The following STMN2 variants were observed in gnomAD, a reference collection of about 807,000 sequenced individuals.
The protein encoded by STMN2 is stathmin-2.
A neutral mutation model predicts 24.1 loss-of-function variants in STMN2; 2 were observed. That is an observed-to-expected ratio of 0.08 (90% CI 0.03 to 0.26). The LOEUF (loss-of-function observed/expected upper bound fraction) is 0.26, where lower values mean the gene tolerates loss of function less well. Among genes scored for constraint, STMN2 ranks in the 10% least tolerant of loss-of-function variants. The pLI, the probability that STMN2 is intolerant of heterozygous loss-of-function variation, is 1.00. For missense variants in STMN2, 114 were observed against 213.6 expected (o/e 0.53, Z 2.91); for synonymous variants, 83 against 77.5 (o/e 1.07, Z -0.37).
intron 4 of STMN2, among the ~76,000 whole-genome samples, chr8:79,655,399 T>A (rs1806319847): frequency 6.6e-6 from 1 of 152,134 alleles, no homozygotes; most frequent in Admixed American, 6.6e-5. Flanking sequence ...AATATTAATG[T>A]CTATATATTA....
intron 3 of STMN2, among the ~76,000 whole-genome samples, chr8:79,647,327 C>T (rs1417487809): frequency 6.6e-6 from 1 of 152,096 alleles, no homozygotes. Context: ...ATAGACATGG[C>T]TATAGATGTG....
At chr8:79,656,497 CAT>C (rs1008338305) in intron 4 of STMN2, among the ~76,000 whole-genome samples, 28 of 152,198 alleles carry the variant, frequency 1.8e-4, no homozygotes, top group African/African-American at 6.5e-4. Context: ...TATAGGAACA[CAT>C]GTTTTACTCA....
intron 3 of STMN2, among the ~76,000 whole-genome samples, chr8:79,653,235 G>A (rs2130382628): frequency 6.6e-6 from 1 of 152,046 alleles, no homozygotes; most frequent in Admixed American, 6.6e-5. Context: ...AAATTAGCAG[G>A]GTGTGGTAGC....
intron 1 of STMN2, 81 bp from the exon 2 acceptor site, chr8:79,636,721 A>T: frequency 7.7e-7 from 1 of 1,299,162 alleles, no homozygotes; most frequent in Non-Finnish European, 1.1e-6. Context: ...AGGAGGCAAT[A>T]ATTATTATTC....
intron 1 of STMN2, among the ~76,000 whole-genome samples, chr8:79,629,767 A>G (rs1377008492): frequency 6.6e-6 from 1 of 152,202 alleles, no homozygotes; most frequent in African/African-American, 2.4e-5. Flanking sequence ...CACTACCCAG[A>G]TAAGAATTCT....
intron 1 of STMN2, among the ~76,000 whole-genome samples, chr8:79,625,159 T>C (rs1268197105): frequency 1.3e-5 from 2 of 152,360 alleles, no homozygotes; most frequent in East Asian, 3.9e-4. Context: ...GAACTATTTT[T>C]TTATTTTTTG....
chr8:79,646,994 G>A (rs1810232522), intron 3 of STMN2, among the ~76,000 whole-genome samples: 1 of 152,012 alleles, frequency 6.6e-6, no homozygotes, highest in Admixed American at 6.6e-5. Context: ...GGATTAGGGA[G>A]GGCTGTGAAT....
At chr8:79,613,890 A>C in intron 1 of STMN2, 1 of 934,496 alleles carries the variant, frequency 1.1e-6, no homozygotes, top group Non-Finnish European at 1.3e-6. Flanking sequence ...TTGTGTGCCA[A>C]CGATTGCTGG....
chr8:79,647,443 C>G (rs115318630), intron 3 of STMN2, among the ~76,000 whole-genome samples: 1 of 152,158 alleles, frequency 6.6e-6, no homozygotes, highest in Non-Finnish European at 1.5e-5. Context: ...ACTTCAGGGA[C>G]CCCTTCAGGG....
chr8:79,625,453 C>T (rs1809629570), intron 1 of STMN2, among the ~76,000 whole-genome samples: 2 of 152,122 alleles, frequency 1.3e-5, no homozygotes, highest in Admixed American at 1.3e-4. Context: ...AATGGTAGCA[C>T]CAGGATTTGA....
At chr8:79,650,074 G>A (rs375320640) in intron 3 of STMN2, among the ~76,000 whole-genome samples, 16 of 152,216 alleles carry the variant, frequency 1.1e-4, no homozygotes, top group East Asian at 3.9e-4. Flanking sequence ...TTAGTCTCCC[G>A]GAACGTCACG....
intron 4 of STMN2, among the ~76,000 whole-genome samples, chr8:79,658,977 C>G (rs1806441438): frequency 6.6e-6 from 1 of 152,186 alleles, no homozygotes; most frequent in African/African-American, 2.4e-5. Context: ...CTAGTAGGCT[C>G]TAATATTTAG....
chr8:79,621,030 C>CA (rs1452072570), intron 1 of STMN2: 2 of 985,112 alleles, frequency 2.0e-6, no homozygotes, highest in African/African-American at 3.5e-5. Context: ...TGGAGCTCTG[C>CA]AACAAGGCGT....
chr8:79,622,511 C>A (rs1188556439), intron 1 of STMN2, among the ~76,000 whole-genome samples: 1 of 151,962 alleles, frequency 6.6e-6, no homozygotes, highest in African/African-American at 2.4e-5. Context: ...AGACAGCAGC[C>A]AATATAGTAT....
At chr8:79,627,997 A>C (rs548518977) in intron 1 of STMN2, among the ~76,000 whole-genome samples, 1 of 151,980 alleles carries the variant, frequency 6.6e-6, no homozygotes, top group South Asian at 2.1e-4. Flanking sequence ...TTATTAATTC[A>C]TTTGTTGATG....
rs994562876 is a variant in STMN2, at chr8:79,664,999, A to C, written c.*125A>C. On this transcript the variant is annotated 3_prime_UTR_variant, in exon 5 of 5. Transcript: ENST00000220876. Reference sequence around the variant, plus strand: ...AAAAAGAACTCATTATAAAAAAAAAAAAACAAAAAAAATCAAAAATTAAAA... The same window carrying C: ...AAAAAGAACTCATTATAAAAAAAAACAAACAAAAAAAATCAAAAATTAAAA... 6.8e-6 allele frequency: 6 copies of C among 886,942 alleles called. No homozygotes were observed. Among genetic ancestry groups the C allele is most frequent in the Admixed American group, 4.1e-5 (1 of 24,232 alleles). The allele number at this position is 886,942 out of a possible 1,614,324, so 54.9% of individuals were successfully genotyped here.
chr8:79,646,646 G>A (rs1157918445), intron 3 of STMN2, among the ~76,000 whole-genome samples: 1 of 152,122 alleles, frequency 6.6e-6, no homozygotes, highest in Non-Finnish European at 1.5e-5. Context: ...GCTGAGAGCA[G>A]GGGGAGAGTG....
chr8:79,617,843 C>T (rs914798932), intron 1 of STMN2, among the ~76,000 whole-genome samples: 3 of 152,206 alleles, frequency 2.0e-5, no homozygotes, highest in Non-Finnish European at 4.4e-5. Flanking sequence ...TGATTTAACC[C>T]TTGTATAGCA....
intron 4 of STMN2, among the ~76,000 whole-genome samples, chr8:79,655,335 A>T (rs1166748753): frequency 6.6e-6 from 1 of 152,108 alleles, no homozygotes; most frequent in Non-Finnish European, 1.5e-5. Flanking sequence ...TGAAATGTGT[A>T]AGACTTCTAT....
Sources: allele counts gnomAD v4.1 joint callset (sites outside exome capture counted in the v4.1 genomes callset), GRCh38; gene constraint gnomAD v4.1.1; transcripts MANE v1.5; gene names NCBI Gene and HGNC (gene_info 2026-07-23, HGNC 2026-07-21).